Variants in EVC2 observed in about 807,000 individuals in gnomAD.
EVC2 encodes the protein limbin.
Under a neutral mutation model 149.3 loss-of-function variants are expected in EVC2, and 148 were observed. The observed-to-expected ratio is 0.99, with a 90% confidence interval of 0.87 to 1.14. The LOEUF is 1.14. Ranked by LOEUF, EVC2 falls within the 50% of genes most tolerant of loss-of-function variation. EVC2 has a pLI of 0.00. For synonymous variants in EVC2, 776 were observed against 649.9 expected (o/e 1.19, Z -2.95); for missense variants, 1,854 against 1,627.3 (o/e 1.14, Z -2.40).
In EVC2 at chr4:5,688,991, T is replaced by C. The variant is rs73798124; in HGVS notation, c.706+166A>G. Among the ~76,000 whole-genome samples, 360 of 152,346 alleles carry C rather than the reference T, an allele frequency of 2.4e-3. 1 individual carries two copies. The highest frequency in any genetic ancestry group is 8.4e-3 in the African/African-American group (349 of 41,586). On this transcript the variant is annotated intron_variant, in intron 5 of 21. Transcript: ENST00000344408. ...TTGGTTACAGATATTGAATGTGGTC[T>C]CTTTTCTCTTTTTTTGATACCCTGA...
rs1464201257 is a variant in EVC2 at position 5,614,106 on chromosome 4, G to A, written c.2829+1316C>T. On this transcript the variant is annotated intron_variant, in intron 16 of 21. Coordinates refer to ENST00000344408, the MANE Select transcript of EVC2 (RefSeq NM_147127.5). The surrounding 1 kb of genome is among the most constrained non-coding windows in gnomAD (Gnocchi z 4.7). ...CCACCCTTTGCAGGGTGCTGGGGAA[G>A]GCAGACAGACACTCAGGCTGCGGTC... Among the ~76,000 whole-genome samples, 4 of 152,166 alleles carry A rather than the reference G, an allele frequency of 2.6e-5. No individual in the cohort carries two copies. Among genetic ancestry groups the A allele is most frequent in the African/African-American group, 9.7e-5 (4 of 41,430 alleles).
intron 1 of EVC2, among the ~76,000 whole-genome samples, chr4:5,704,839 G>T (rs145655894): frequency 6.6e-6 from 1 of 151,672 alleles, no homozygotes; most frequent in Admixed American, 6.6e-5. Context: ...CTGAAAACCT[G>T]GGAATACAGG....
the EVC2 span, among the ~76,000 whole-genome samples, chr4:5,530,445 C>T: frequency 1.3e-5 from 2 of 152,132 alleles, no homozygotes; most frequent in Non-Finnish European, 2.9e-5. Context: ...AGGTATACAG[C>T]ATGATGTTGT....
intron 4 of EVC2, among the ~76,000 whole-genome samples, chr4:5,689,901 T>G (rs932791697): frequency 4.6e-5 from 7 of 152,204 alleles, no homozygotes; most frequent in African/African-American, 1.4e-4. Flanking sequence ...ACTCTTGCCC[T>G]GCCTTCCTCT....
chr4:5,537,685 G>C, the EVC2 span, among the ~76,000 whole-genome samples: 1 of 152,090 alleles, frequency 6.6e-6, no homozygotes, highest in Non-Finnish European at 1.5e-5. Flanking sequence ...AAGGAGTACC[G>C]GGCAAGTAAA....
intron 16 of EVC2, among the ~76,000 whole-genome samples, chr4:5,589,457 AC>A (rs1159324775): frequency 1.3e-5 from 2 of 152,014 alleles, no homozygotes; most frequent in Non-Finnish European, 2.9e-5. Context: ...CCCAGTAGAC[AC>A]CTCTGGAGTT....
At chr4:5,674,818 C>A (rs946875030) in intron 7 of EVC2, among the ~76,000 whole-genome samples, 2 of 152,046 alleles carry the variant, frequency 1.3e-5, no homozygotes, top group African/African-American at 4.8e-5. Flanking sequence ...ACCACCCCAG[C>A]GTGGACAATG....
chr4:5,607,830 G>A (rs1037767299), intron 16 of EVC2, among the ~76,000 whole-genome samples: 29 of 151,970 alleles, frequency 1.9e-4, no homozygotes, highest in Admixed American at 1.1e-3. Context: ...TTAAAACTGC[G>A]TCACACAGAG....
rs1721326304 is a variant in EVC2 at position 5,694,372 on chromosome 4, T to A, written c.413A>T (p.Asn138Ile). 6.2e-7 allele frequency: 1 copy of A among 1,614,170 alleles called. No homozygotes were observed. The highest frequency in any genetic ancestry group is 8.5e-7 in the Non-Finnish European group (1 of 1,180,006). Residue 138 changes from asparagine to isoleucine, a missense_variant, in exon 3 of 22, where the codon AAC (asparagine) becomes ATC (isoleucine). By Grantham distance (149) the Asn-to-Ile change is moderately radical. Coordinates refer to ENST00000344408, the MANE Select transcript of EVC2 (RefSeq NM_147127.5). ...FAFIPSWPKKNLFKRESPITH... is the reference protein window; with the variant it reads ...FAFIPSWPKKILFKRESPITH... ...TATAGGAGACTCTCTTTTAAATAAG[T>A]TCTTCTTAGGCCAGGAGGGTATAAA... is the stretch of plus-strand genomic sequence containing the variant.
chr4:5,583,049 G>A (rs928544025), intron 17 of EVC2, among the ~76,000 whole-genome samples: 4 of 152,106 alleles, frequency 2.6e-5, no homozygotes, highest in Admixed American at 2.6e-4. Context: ...CCCAGTCTCA[G>A]GGTATTTCTT....
chr4:5,664,903 G>A (rs1188165422), intron 8 of EVC2, among the ~76,000 whole-genome samples: 2 of 151,974 alleles, frequency 1.3e-5, no homozygotes, highest in African/African-American at 2.4e-5. Flanking sequence ...GGGTACGTGT[G>A]GGTGATGGGG....
downstream of EVC2, among the ~76,000 whole-genome samples, chr4:5,541,798 T>C (rs1721518437): frequency 1.3e-5 from 2 of 152,140 alleles, no homozygotes; most frequent in African/African-American, 4.8e-5. Flanking sequence ...AACCAACATG[T>C]ATTAAGCAGT....
intron 14 of EVC2, among the ~76,000 whole-genome samples, chr4:5,619,128 G>A (rs1219963161): frequency 2.0e-5 from 3 of 152,178 alleles, no homozygotes; most frequent in South Asian, 2.1e-4. Flanking sequence ...GGTTCCAAAG[G>A]GTAATGACTG....
At chr4:5,655,457 C>T (rs1381377423) in intron 9 of EVC2, among the ~76,000 whole-genome samples, 27 of 152,142 alleles carry the variant, frequency 1.8e-4, no homozygotes, top group Admixed American at 1.8e-3. Flanking sequence ...CGCTACCACC[C>T]CTGTGTCCAG....
At chr4:5,685,528 C>T (rs1004020108) in intron 5 of EVC2, 49 bp from the exon 6 acceptor site, 2 of 1,518,974 alleles carry the variant, frequency 1.3e-6, no homozygotes, top group Non-Finnish European at 1.8e-6. Flanking sequence ...GGCCACGCCC[C>T]CGGCTGCACC....
the EVC2 span, among the ~76,000 whole-genome samples, chr4:5,531,064 T>C: frequency 6.6e-6 from 1 of 152,156 alleles, no homozygotes. Flanking sequence ...ATTACTGTTA[T>C]TACCCTCCCA....
At position 5,637,148 on chromosome 4, in the gene EVC2, G is replaced by A. The variant is rs189637134; in HGVS notation, c.1470+3366C>T. On this transcript the variant is annotated intron_variant, in intron 10 of 21. Transcript: ENST00000344408. This position sits in a 1 kb window ranked among gnomAD's most constrained non-coding sequence, Gnocchi z 4.4. ...GGACTGCGTGACAGATGGGAGTAGG[G>A]CACCGACCCAGCATCCTATCCTCAT... Among the ~76,000 whole-genome samples the A allele has an allele frequency of 6.6e-5, 10 of 152,274 alleles. No homozygotes were observed. Among genetic ancestry groups the A allele is most frequent in the Admixed American group, 6.5e-4 (10 of 15,300 alleles).
At chr4:5,619,263 G>C (rs564834816) in intron 14 of EVC2, among the ~76,000 whole-genome samples, 1 of 152,246 alleles carries the variant, frequency 6.6e-6, no homozygotes, top group South Asian at 2.1e-4. Flanking sequence ...TGTGAATGTT[G>C]GTTTATTTGG....
At chr4:5,676,602 G>C (rs925134980) in intron 7 of EVC2, among the ~76,000 whole-genome samples, 1 of 152,126 alleles carries the variant, frequency 6.6e-6, no homozygotes, top group African/African-American at 2.4e-5. Context: ...AGTAGTGTTT[G>C]GTTCATGCCT....
Sources: allele counts gnomAD v4.1 joint callset (sites outside exome capture counted in the v4.1 genomes callset), GRCh38; gene constraint gnomAD v4.1.1; non-coding constraint Gnocchi (gnomAD v3.1); transcripts MANE v1.5; gene names NCBI Gene and HGNC (gene_info 2026-07-23, HGNC 2026-07-21).